KDM4C: variants seen among roughly 807,000 people sequenced by gnomAD.
KDM4C encodes lysine-specific demethylase 4C.
A neutral mutation model predicts 129.3 loss-of-function variants in KDM4C; 81 were observed. The observed-to-expected ratio is 0.63, with a 90% CI of 0.52 to 0.75. The LOEUF is 0.75. Among genes scored for constraint, KDM4C ranks in the 30% least tolerant of loss-of-function variants. The pLI is 0.00. For synonymous variants in KDM4C, 573 were observed against 456.1 expected (o/e 1.26, Z -3.26); for missense variants, 1,457 against 1,304.0 (o/e 1.12, Z -1.81).
At chr9:7,114,146 A>T (rs1421570444) in intron 18 of KDM4C, among the ~76,000 whole-genome samples, 1 of 151,546 alleles carries the variant, frequency 6.6e-6, no homozygotes, top group Non-Finnish European at 1.5e-5. Context: ...CTACCATACT[A>T]CTCCTTATTC....
chr9:7,078,995 A>T lies in KDM4C; in HGVS notation c.2425-24690A>T, dbSNP rs546434681. ...ATCACATAGGCACCCTCTGCCTAGC[A>T]TGTACCAAAATTTCAGACTCCCAGA... On this transcript the variant is annotated intron_variant, in intron 17 of 21. Transcript: ENST00000381309. Among the ~76,000 whole-genome samples the T allele has an allele frequency of 2.0e-5, 3 of 152,332 alleles. No homozygotes were observed. In the East Asian group the frequency reaches 5.8e-4, roughly 29 times the overall value.
intron 15 of KDM4C, among the ~76,000 whole-genome samples, chr9:7,043,834 T>C (rs138220916): frequency 6.6e-6 from 1 of 152,150 alleles, no homozygotes; most frequent in East Asian, 1.9e-4. Context: ...GTCAACTCAC[T>C]AAAGCTTGCA....
rs996801654 is a variant in KDM4C, at chr9:6,922,710, G to C, written c.921+29478G>C. On this transcript the variant is annotated intron_variant, in intron 8 of 21. Coordinates refer to ENST00000381309, the MANE Select transcript of KDM4C (RefSeq NM_015061.6). ...TGCAGTGAACCATGATTGCACCACT[G>C]TACTCCAGCCTGGGTGGCGGAGCCA... 3.3e-5 allele frequency among the ~76,000 whole-genome samples: 5 copies of C among 152,258 alleles called. No homozygotes were observed. In the East Asian group the frequency reaches 9.6e-4, roughly 29 times the overall value.
chr9:6,879,182 G>GTA (rs1315915171), intron 5 of KDM4C, among the ~76,000 whole-genome samples: 4 of 151,986 alleles, frequency 2.6e-5, no homozygotes, highest in Non-Finnish European at 5.9e-5. Context: ...GTCTTCAAAA[G>GTA]TATAGTTTAT....
At chr9:6,821,730 G>C (rs1833063493) in intron 4 of KDM4C, among the ~76,000 whole-genome samples, 1 of 151,982 alleles carries the variant, frequency 6.6e-6, no homozygotes, top group Admixed American at 6.6e-5. Context: ...TCACCCCCGG[G>C]TTCAAGCAGT....
intron 1 of KDM4C, among the ~76,000 whole-genome samples, chr9:6,747,124 T>G (rs1017750730): frequency 1.3e-5 from 2 of 150,448 alleles, no homozygotes; most frequent in Admixed American, 6.7e-5. Context: ...GCCCAGGGAG[T>G]TGGGGCTGCC....
intron 4 of KDM4C, among the ~76,000 whole-genome samples, chr9:6,848,478 G>C (rs1564152622): frequency 6.6e-6 from 1 of 152,082 alleles, no homozygotes; most frequent in Non-Finnish European, 1.5e-5. Flanking sequence ...ACCAGCCTAG[G>C]CAACATGGCG....
chr9:6,898,199 CTGTT>C (rs1278403293), intron 8 of KDM4C, among the ~76,000 whole-genome samples: 1 of 152,186 alleles, frequency 6.6e-6, no homozygotes, highest in Non-Finnish European at 1.5e-5. Flanking sequence ...TTCAGCTTGA[CTGTT>C]TGGAGACATT....
At chr9:6,904,149 G>T (rs1370240716) in intron 8 of KDM4C, among the ~76,000 whole-genome samples, 1 of 152,034 alleles carries the variant, frequency 6.6e-6, no homozygotes, top group Non-Finnish European at 1.5e-5. Context: ...TGAGGCAGGA[G>T]AATTGCTTGA....
chr9:6,908,591 C>T (rs1818739299), intron 8 of KDM4C, among the ~76,000 whole-genome samples: 1 of 151,702 alleles, frequency 6.6e-6, no homozygotes, highest in Non-Finnish European at 1.5e-5. Context: ...CCTGTGGGAC[C>T]AGGTGTGACA....
intron 2 of KDM4C, among the ~76,000 whole-genome samples, 198 bp downstream of exon 2, chr9:6,793,330 G>A (rs936457873): frequency 3.3e-5 from 5 of 151,398 alleles, no homozygotes; most frequent in Non-Finnish European, 7.4e-5. Context: ...TTCATACTAG[G>A]TTGTCTTCTA....
At chr9:6,779,067 C>T (rs1450738511) in intron 1 of KDM4C, among the ~76,000 whole-genome samples, 4 of 127,966 alleles carry the variant, frequency 3.1e-5, no homozygotes, top group Admixed American at 8.8e-5. Context: ...CTCGCTCTGT[C>T]GCCCAGGCTG....
In KDM4C at chr9:6,975,629, A is replaced by G. The variant is rs142123698; in HGVS notation, c.922-5296A>G. 2.0e-5 allele frequency among the ~76,000 whole-genome samples: 3 copies of G among 152,334 alleles called. No individual in the cohort carries two copies. In the East Asian group the frequency reaches 5.8e-4, roughly 29 times the overall value. On this transcript the variant is annotated intron_variant, in intron 8 of 21. Transcript: ENST00000381309. ...GACTCTTATTCTCTAGGCACCTAGA[A>G]TATACTTCTCTATAAGACAGACACT...
At chr9:6,781,394 T>A (rs112217192) in intron 1 of KDM4C, among the ~76,000 whole-genome samples, 2 of 150,758 alleles carry the variant, frequency 1.3e-5, no homozygotes, top group Non-Finnish European at 3.0e-5. Context: ...GTTTTTTTTT[T>A]AAAGACACTG....
Position 6,994,356 on chromosome 9 carries a change from C to T in KDM4C, c.1786+3832C>T, listed in dbSNP as rs1421101931. Among the ~76,000 whole-genome samples the T allele has an allele frequency of 4.6e-5, 7 of 152,272 alleles. No individual in the cohort carries two copies. In the East Asian group the frequency reaches 1.3e-3, roughly 29 times the overall value. On this transcript the variant is annotated intron_variant, in intron 12 of 21. Coordinates refer to ENST00000381309, the MANE Select transcript of KDM4C (RefSeq NM_015061.6). The stretch of plus-strand genomic sequence containing the variant: ...TTCCATGTATTTGCCCAGGCTGTTA[C>T]ATTATGTGTGGCACTCTTTTCCTTC...
At chr9:7,005,421 G>A (rs866364809) in intron 12 of KDM4C, among the ~76,000 whole-genome samples, 8 of 127,934 alleles carry the variant, frequency 6.3e-5, no homozygotes, top group Admixed American at 5.1e-4. Context: ...GGCAACAAAA[G>A]TGAAACTCTG....
chr9:6,778,106 T>G (rs1403764262), intron 1 of KDM4C, among the ~76,000 whole-genome samples: 1 of 150,800 alleles, frequency 6.6e-6, no homozygotes, highest in Non-Finnish European at 1.5e-5. Flanking sequence ...TTTTTTTTTT[T>G]TGAGACAGAG....
chr9:7,069,873 T>C (rs1832957231), intron 17 of KDM4C, among the ~76,000 whole-genome samples: 1 of 152,224 alleles, frequency 6.6e-6, no homozygotes, highest in Non-Finnish European at 1.5e-5. Flanking sequence ...ATTGAGAATA[T>C]ATTAAGGTTC....
At position 6,817,614 on chromosome 9, in the gene KDM4C, T is replaced by C. The variant is rs1832358391; in HGVS notation, c.435+2869T>C. Among the ~76,000 whole-genome samples the C allele has an allele frequency of 2.0e-5, 3 of 152,178 alleles. No individual in the cohort carries two copies. The South Asian group carries it at 6.2e-4, about 32-fold the overall frequency. ...AAAAATAGCCTTTCCTCATTCTGCA[T>C]CTGAATTTTTACTAGTATAAGTAAT... On this transcript the variant is annotated intron_variant, in intron 4 of 21. Coordinates refer to ENST00000381309, the MANE Select transcript of KDM4C (RefSeq NM_015061.6).
Sources: allele counts gnomAD v4.1 joint callset (sites outside exome capture counted in the v4.1 genomes callset), GRCh38; gene constraint gnomAD v4.1.1; transcripts MANE v1.5; gene names NCBI Gene and HGNC (gene_info 2026-07-23, HGNC 2026-07-21).